PRTG: variants seen among roughly 807,000 people sequenced by gnomAD.
The protein encoded by PRTG is protogenin.
In PRTG, 67 loss-of-function variants were observed where a neutral mutation model predicts 122.5. The ratio of observed to expected loss-of-function variants is 0.55; its 90% CI spans 0.45 to 0.67. PRTG has a LOEUF of 0.67. PRTG is among the 30% of genes least tolerant of loss of function. PRTG has a pLI of 0.00. For missense variants in PRTG, 1,435 were observed against 1,415.4 expected (o/e 1.01, Z -0.22); for synonymous variants, 554 against 501.1 (o/e 1.11, Z -1.41).
At chr15:55,733,481 G>C (rs1263649038) in intron 2 of PRTG, among the ~76,000 whole-genome samples, 1 of 143,696 alleles carries the variant, frequency 7.0e-6, no homozygotes, top group Non-Finnish European at 1.5e-5. Flanking sequence ...TTGCACTCCA[G>C]CCTGGGCAAC....
chr15:55,629,431 GTGTGTAA>G (rs1184068475), intron 15 of PRTG, among the ~76,000 whole-genome samples: 46 of 136,838 alleles, frequency 3.4e-4, no homozygotes, highest in African/African-American at 1.2e-3. Context: ...GTGTGTGTGT[GTGTGTAA>G]TGTTTTACTC....
chr15:55,668,824 C>A (rs1484700070), intron 11 of PRTG, among the ~76,000 whole-genome samples: 1 of 152,176 alleles, frequency 6.6e-6, no homozygotes, highest in Middle Eastern at 3.4e-3. Flanking sequence ...AAAAACTGTA[C>A]ATCTAGGGAC....
Position 55,737,976 on chromosome 15 carries a change from T to TTCTCTCTC in PRTG, c.397+2398_397+2405dup, listed in dbSNP as rs376933626. ...AACCAGAATGTCCACTTAATGCCTATTCTCTCTCTCTCTCTCTCTCTCTCT... is the reference window on the plus strand; with the variant it reads ...AACCAGAATGTCCACTTAATGCCTATTCTCTCTCTCTCTCTCTCTCTCTCTCTCTCTCT... On this transcript the variant is annotated intron_variant, in intron 2 of 19. Transcript: ENST00000389286. 7.2e-3 allele frequency among the ~76,000 whole-genome samples: 660 copies of TTCTCTCTC among 91,602 alleles called. 14 individuals are homozygous for TTCTCTCTC. The highest frequency in any genetic ancestry group is 0.023 in the East Asian group (59 of 2,580). The allele number at this position is 91,602 out of a possible 152,430, so 60.1% of individuals were successfully genotyped here.
intron 11 of PRTG, among the ~76,000 whole-genome samples, chr15:55,662,782 C>G (rs2059417171): frequency 1.3e-5 from 2 of 152,152 alleles, no homozygotes; most frequent in Non-Finnish European, 2.9e-5. Context: ...AGTGACCTAA[C>G]TTCTTTTGTT....
At chr15:55,684,898 T>C (rs2059561901) in intron 2 of PRTG, among the ~76,000 whole-genome samples, 1 of 152,162 alleles carries the variant, frequency 6.6e-6, no homozygotes, top group Non-Finnish European at 1.5e-5. Context: ...GCTCATCTAT[T>C]TCCAAAGCAG....
chr15:55,667,534 G>A (rs912319663), intron 11 of PRTG, among the ~76,000 whole-genome samples: 8 of 151,888 alleles, frequency 5.3e-5, no homozygotes, highest in African/African-American at 1.9e-4. Flanking sequence ...GGCAAATTAA[G>A]AAAAAAGTCT....
At chr15:55,708,824 G>A (rs2030254633) in intron 2 of PRTG, among the ~76,000 whole-genome samples, 1 of 151,630 alleles carries the variant, frequency 6.6e-6, no homozygotes, top group South Asian at 2.1e-4. Context: ...TTAGTTATCT[G>A]GGAAAACAAA....
chr15:55,721,113 G>T lies in PRTG; in HGVS notation c.397+19269C>A, dbSNP rs114482901. The stretch of plus-strand genomic sequence containing the variant: ...CCAAACGAAATACTGGCATCATCCT[G>T]AACTTTTCCCTCTCCCTGATTCCCC... On this transcript the variant is annotated intron_variant, in intron 2 of 19. Transcript: ENST00000389286. Among the ~76,000 whole-genome samples, 563 of 152,290 alleles carry T rather than the reference G, an allele frequency of 3.7e-3. 3 individuals carry two copies. The highest frequency in any genetic ancestry group is 0.013 in the African/African-American group (532 of 41,560).
chr15:55,692,208 T>C (rs2059607055), intron 2 of PRTG, among the ~76,000 whole-genome samples: 1 of 152,176 alleles, frequency 6.6e-6, no homozygotes. Context: ...TTCCTGGTTC[T>C]AAGCCCACAA....
chr15:55,713,994 G>C (rs2030501316), intron 2 of PRTG, among the ~76,000 whole-genome samples: 1 of 152,044 alleles, frequency 6.6e-6, no homozygotes, highest in Non-Finnish European at 1.5e-5. Context: ...CCAGAAGTAG[G>C]GCTAGGCCTA....
chr15:55,731,654 C>T (rs1217868849), intron 2 of PRTG, among the ~76,000 whole-genome samples: 1 of 152,154 alleles, frequency 6.6e-6, no homozygotes, highest in Non-Finnish European at 1.5e-5. Flanking sequence ...CAGGCGTGAG[C>T]CACCATGCCC....
Position 55,742,915 on chromosome 15 carries a change from C to A in PRTG, c.17G>T (p.Arg6Leu). MAPPL[R>L]PLARLRPPGM... ...CGGCGGTCGCAGCCGGGCGAGGGGTCGCAGAGGAGGCGCCATTCAGCGTAG... is the reference window on the plus strand; with the variant it reads ...CGGCGGTCGCAGCCGGGCGAGGGGTAGCAGAGGAGGCGCCATTCAGCGTAG... The change falls in exon 1 of 20, where the codon CGA becomes CTA. Residue 6 changes from arginine (R) to leucine (L), a missense_variant. Coordinates refer to ENST00000389286, the MANE Select transcript of PRTG (RefSeq NM_173814.6). 6.6e-7 allele frequency: 1 copy of A among 1,525,828 alleles called. No homozygotes were observed. 94.5% of individuals were successfully genotyped at this position (1,525,828 alleles called of 1,614,324 possible).
At chr15:55,624,307 G>C (rs533842404) in intron 18 of PRTG, 35 bp downstream of exon 18, 3 of 1,598,338 alleles carry the variant, frequency 1.9e-6, no homozygotes, top group East Asian at 4.5e-5. Context: ...AGGAATGGAA[G>C]AACGGCTTAT....
Position 55,617,632 on chromosome 15 carries a change from C to G in PRTG, c.*2380G>C, listed in dbSNP as rs974050273. On this transcript the variant is annotated 3_prime_UTR_variant, in exon 20 of 20. Coordinates refer to ENST00000389286, the MANE Select transcript of PRTG (RefSeq NM_173814.6). ...AAAAAATGTACTGTTAAATAATTAT[C>G]AAATAGTTATAGCCTAAAGTTCTAT... 3 of 152,040 alleles carry G rather than the reference C, an allele frequency of 2.0e-5. No homozygotes were observed. The highest frequency in any genetic ancestry group is 2.9e-5 in the Non-Finnish European group (2 of 67,990). 9.4% of individuals were successfully genotyped at this position (152,040 alleles called of 1,614,324 possible). A position where few individuals can be genotyped will look rare whatever the true frequency, so the allele number is the denominator to read the frequency against.
At chr15:55,725,838 C>A (rs1278403084) in intron 2 of PRTG, among the ~76,000 whole-genome samples, 2 of 152,210 alleles carry the variant, frequency 1.3e-5, no homozygotes, top group Non-Finnish European at 2.9e-5. Flanking sequence ...GTGGTGCCAT[C>A]GCAGCTCACT....
At chr15:55,633,076 A>C (rs969260273) in intron 15 of PRTG, among the ~76,000 whole-genome samples, 18 of 152,196 alleles carry the variant, frequency 1.2e-4, no homozygotes, top group Admixed American at 9.2e-4. Flanking sequence ...CCATGATGAA[A>C]ATTTTTTGAA....
At chr15:55,642,180 C>CAAAAAA (rs761440348) in intron 11 of PRTG, among the ~76,000 whole-genome samples, 14 of 66,736 alleles carry the variant, frequency 2.1e-4, no homozygotes, top group African/African-American at 5.1e-4. Flanking sequence ...GACTCCGTCT[C>CAAAAAA]AAAAAAAAAA....
At chr15:55,677,273 T>C (rs2059507946) in intron 8 of PRTG, among the ~76,000 whole-genome samples, 1 of 152,200 alleles carries the variant, frequency 6.6e-6, no homozygotes, top group Non-Finnish European at 1.5e-5. Context: ...AATGTCCTGT[T>C]CAATTTTCAG....
intron 15 of PRTG, among the ~76,000 whole-genome samples, chr15:55,633,663 TAA>T (rs1456918620): frequency 1.3e-5 from 2 of 152,326 alleles, no homozygotes; most frequent in Non-Finnish European, 2.9e-5. Flanking sequence ...TAATTATACA[TAA>T]AAGACATTTT....
Sources: gnomAD v4.1 joint callset for allele counts (sites outside exome capture counted in the v4.1 genomes callset) on GRCh38, gnomAD v4.1.1 for gene constraint, MANE v1.5 for transcripts, NCBI Gene and HGNC (gene_info 2026-07-23, HGNC 2026-07-21) for gene names.